CCDC141: variants seen among roughly 807,000 people sequenced by gnomAD.
CCDC141 encodes coiled-coil domain-containing protein 141.
In CCDC141, 168 loss-of-function variants were observed where a neutral mutation model predicts 181.0. That is an observed-to-expected ratio of 0.93 (90% CI 0.82 to 1.05). The LOEUF (loss-of-function observed/expected upper bound fraction) is 1.05. Among genes scored for constraint, CCDC141 ranks in the 50% least tolerant of loss-of-function variants. The pLI is 0.00. For synonymous variants in CCDC141, 666 were observed against 642.3 expected, an observed-to-expected ratio of 1.04 and a Z score of -0.56; for missense variants, 1,902 against 1,788.5, an observed-to-expected ratio of 1.06 and a Z score of -1.14.
At chr2:179,019,701 T>G (rs7558039) in intron 2 of CCDC141, among the ~76,000 whole-genome samples, 1 of 152,002 alleles carries the variant, frequency 6.6e-6, no homozygotes, top group Admixed American at 6.6e-5. Flanking sequence ...TCCAATACAT[T>G]GGTATAGCTC....
At chr2:178,915,756 T>A (rs994664164) in intron 7 of CCDC141, 6 of 152,178 alleles carry the variant, frequency 3.9e-5, no homozygotes, top group African/African-American at 1.4e-4. Context: ...CTGGGCCACT[T>A]CTCAGTGTTG....
intron 2 of CCDC141, among the ~76,000 whole-genome samples, chr2:179,019,974 T>G (rs2042648527): frequency 6.6e-6 from 1 of 152,036 alleles, no homozygotes; most frequent in Non-Finnish European, 1.5e-5. Context: ...CAGGTGGGTC[T>G]CAAACTCCTG....
rs1015303191 is a variant in CCDC141 at position 178,831,363 on chromosome 2, A to G, written c.*2810T>C. 1.3e-5 allele frequency: 2 copies of G among 152,202 alleles called. No homozygotes were observed. Among genetic ancestry groups the G allele is most frequent in the Non-Finnish European group, 1.5e-5 (1 of 68,042 alleles). 9.4% of individuals were successfully genotyped at this position (152,202 alleles called of 1,614,324 possible). A position where few individuals can be genotyped will look rare whatever the true frequency, so the allele number is the denominator to read the frequency against. On this transcript the variant is annotated 3_prime_UTR_variant, in exon 24 of 24. Coordinates refer to ENST00000443758, the MANE Select transcript of CCDC141 (RefSeq NM_173648.4). ...TTTATAATTTGTTTAAGAGTTTAGA[A>G]GTTTTAAAACGTTTTCTGGTGAAAA...
intron 2 of CCDC141, among the ~76,000 whole-genome samples, chr2:178,998,650 A>T (rs992616669): frequency 6.6e-6 from 1 of 152,120 alleles, no homozygotes; most frequent in African/African-American, 2.4e-5. Flanking sequence ...TGCATGGTCC[A>T]TTAAAATTTT....
intron 2 of CCDC141, among the ~76,000 whole-genome samples, chr2:179,044,740 C>T (rs17362972): frequency 0.086 from 13,095 of 152,172 alleles, 751 homozygotes; most frequent in Admixed American, 0.17. Context: ...GCTGGGGTCA[C>T]AGGAGATCAT....
At chr2:178,860,155 A>G (rs936888024) in intron 17 of CCDC141, among the ~76,000 whole-genome samples, 1 of 152,210 alleles carries the variant, frequency 6.6e-6, no homozygotes, top group African/African-American at 2.4e-5. Flanking sequence ...CCAGAAAAAA[A>G]GCTTTTTGAT....
intron 7 of CCDC141, chr2:178,915,830 G>A (rs977196832): frequency 6.6e-6 from 1 of 152,216 alleles, no homozygotes; most frequent in Non-Finnish European, 1.5e-5. Context: ...GAGCAGGCAT[G>A]CTTCCTATTT....
intron 5 of CCDC141, among the ~76,000 whole-genome samples, chr2:178,948,298 G>A (rs1207213520): frequency 1.3e-5 from 2 of 151,830 alleles, no homozygotes; most frequent in African/African-American, 4.8e-5. Context: ...ATCCTTTTAT[G>A]TGGCTTTTTA....
chr2:178,897,905 C>A (rs1687488641), intron 8 of CCDC141, among the ~76,000 whole-genome samples: 1 of 152,130 alleles, frequency 6.6e-6, no homozygotes, highest in Non-Finnish European at 1.5e-5. Context: ...TTAATAAATG[C>A]AAAATTATGC....
chr2:178,884,103 G>A lies in CCDC141; in HGVS notation c.1719+798C>T, dbSNP rs530960963. ...AGGATATTGTAAATATTTGTAGGAC[G>A]TAGTAAAAATTATTCCAATATAACC... is the stretch of plus-strand genomic sequence containing the variant. On this transcript the variant is annotated intron_variant, in intron 11 of 23. Coordinates refer to ENST00000443758, the MANE Select transcript of CCDC141 (RefSeq NM_173648.4). Among the ~76,000 whole-genome samples the A allele has an allele frequency of 1.2e-4, 19 of 152,202 alleles. 1 individual carries two copies. The South Asian group carries it at 3.7e-3, about 30-fold the overall frequency.
intron 2 of CCDC141, among the ~76,000 whole-genome samples, chr2:178,988,864 A>G (rs977399151): frequency 7.2e-5 from 11 of 152,206 alleles, no homozygotes; most frequent in Non-Finnish European, 1.3e-4. Flanking sequence ...TCTATGGCCA[A>G]TTGATTTTCA....
Position 178,905,470 on chromosome 2 carries a change from T to C in CCDC141, c.1124A>G (p.Tyr375Cys). 1 of 1,550,552 alleles carries C rather than the reference T, an allele frequency of 6.4e-7. No individual in the cohort carries two copies. Among genetic ancestry groups the C allele is most frequent in the Non-Finnish European group, 8.7e-7 (1 of 1,146,930 alleles). ...ACCCTCTGATTTAAGGAGCTTAAGG[T>C]AAGCTTCAACTCTTCCAAGTACATC... ...AFDVLGRVEAYLKLLKSEGLS... is the reference protein window; with the variant it reads ...AFDVLGRVEACLKLLKSEGLS... The change falls in exon 8 of 24, where the codon TAC becomes TGC. Residue 375 changes from tyrosine (Y) to cysteine (C), a missense_variant. Tyr to Cys is a radical substitution (Grantham distance 194). Transcript: ENST00000443758.
chr2:178,905,488 A>G lies in CCDC141; in HGVS notation c.1106T>C (p.Leu369Pro). 6.5e-7 allele frequency: 1 copy of G among 1,544,950 alleles called. No homozygotes were observed. Among genetic ancestry groups the G allele is most frequent in the Middle Eastern group, 1.7e-4 (1 of 5,958 alleles). ...CTTAAGGTAAGCTTCAACTCTTCCA[A>G]GTACATCAAATGCCTGCCAAAGAAA... is the stretch of plus-strand genomic sequence containing the variant. ...FNSANKAFDV[L>P]GRVEAYLKLL... The change falls in exon 8 of 24, where the codon CTT becomes CCT. Residue 369 changes from leucine to proline, a missense_variant. Leu to Pro is a moderately conservative substitution (Grantham distance 98). Transcript: ENST00000443758.
chr2:178,962,063 GT>G (rs1367053903), intron 4 of CCDC141, among the ~76,000 whole-genome samples: 3 of 152,188 alleles, frequency 2.0e-5, no homozygotes, highest in South Asian at 4.1e-4. Context: ...TTATATGAAA[GT>G]TCTGACTTCT....
intron 5 of CCDC141, among the ~76,000 whole-genome samples, chr2:178,950,990 G>A (rs1354141467): frequency 1.3e-5 from 2 of 152,118 alleles, no homozygotes; most frequent in Non-Finnish European, 2.9e-5. Context: ...TTGTGTTTAG[G>A]TAGGTTCTTT....
Position 179,006,690 on chromosome 2 carries a change from A to G in CCDC141, c.226-28015T>C, listed in dbSNP as rs527813459. ...TAGATCCAGGGTTGGCGAGAGACATATAATATCTAAGACGTTATTGAAATA... is the reference window on the plus strand; with the variant it reads ...TAGATCCAGGGTTGGCGAGAGACATGTAATATCTAAGACGTTATTGAAATA... On this transcript the variant is annotated intron_variant, in intron 2 of 23. Coordinates refer to ENST00000443758, the MANE Select transcript of CCDC141 (RefSeq NM_173648.4). Among the ~76,000 whole-genome samples, 12 of 152,312 alleles carry G rather than the reference A, an allele frequency of 7.9e-5. 2 individuals are homozygous for G. In the South Asian group the frequency reaches 8.3e-4, roughly 11 times the overall value.
chr2:178,961,886 C>A (rs1188469819), intron 4 of CCDC141, among the ~76,000 whole-genome samples: 1 of 152,144 alleles, frequency 6.6e-6, no homozygotes, highest in Non-Finnish European at 1.5e-5. Flanking sequence ...AACAAAAACT[C>A]AATAAATGTG....
At chr2:178,845,466 A>C (rs1382646720) in intron 22 of CCDC141, among the ~76,000 whole-genome samples, 160 bp downstream of exon 22, 1 of 152,198 alleles carries the variant, frequency 6.6e-6, no homozygotes, top group Non-Finnish European at 1.5e-5. Flanking sequence ...ATAGAGGAGC[A>C]AAAGGAAGCA....
intron 11 of CCDC141, among the ~76,000 whole-genome samples, chr2:178,881,162 C>T (rs1205242547): frequency 3.3e-5 from 5 of 151,826 alleles, no homozygotes; most frequent in Non-Finnish European, 7.4e-5. Context: ...AAGGAACAGA[C>T]AAAGAAGTAG....
Sources: gnomAD v4.1 joint callset for allele counts (sites outside exome capture counted in the v4.1 genomes callset) on GRCh38, gnomAD v4.1.1 for gene constraint, MANE v1.5 for transcripts, NCBI Gene and HGNC (gene_info 2026-07-23, HGNC 2026-07-21) for gene names.